Variants in PSG7 observed in about 807,000 individuals in gnomAD.
PSG7 encodes the protein pregnancy specific beta-1-glycoprotein 7, also known as pregnancy-specific beta-1-glycoprotein 7.
A neutral mutation model predicts 45.6 loss-of-function variants in PSG7; 57 were observed. The observed-to-expected ratio is 1.25, with a 90% CI of 1.01 to 1.56. The LOEUF (loss-of-function observed/expected upper bound fraction) is 1.56. Among genes scored for constraint, PSG7 ranks in the 40% most tolerant of loss-of-function variants. PSG7 has a pLI of 0.00. For synonymous variants in PSG7, 298 were observed against 194.4 expected (o/e 1.53, Z -4.43); for missense variants, 796 against 508.4 (o/e 1.57, Z -5.44).
At chr19:42,931,102 C>T (rs962172830) in intron 2 of PSG7, among the ~76,000 whole-genome samples, 10 of 151,486 alleles carry the variant, frequency 6.6e-5, no homozygotes, top group African/African-American at 2.2e-4. Context: ...ATTCGTAATA[C>T]TGTAATTTTC....
rs144458417 is a variant in PSG7, at chr19:42,926,620, T to C, written c.806A>G (p.Tyr269Cys). Reference protein sequence around the residue: ...TFTCEPKSENYTYIWWLNGQS... With the variant: ...TFTCEPKSENCTYIWWLNGQS... ...ACCATTTAGCCACCAAATGTAGGTGTAGTTCTCACTCTTAGGTTCACAGGT... is the reference window on the plus strand; with the variant it reads ...ACCATTTAGCCACCAAATGTAGGTGCAGTTCTCACTCTTAGGTTCACAGGT... Residue 269 changes from tyrosine to cysteine, a missense_variant, in exon 4 of 6, where the codon TAC becomes TGC. Transcript: ENST00000406070. 4,897 of 1,610,260 alleles carry C rather than the reference T, an allele frequency of 3.0e-3. 259 individuals carry two copies. The African/African-American group carries it at 0.058, about 19-fold the overall frequency.
At chr19:42,928,777 G>T (rs1277827910) in intron 3 of PSG7, among the ~76,000 whole-genome samples, 1 of 151,418 alleles carries the variant, frequency 6.6e-6, no homozygotes, top group Non-Finnish European at 1.5e-5. Flanking sequence ...ATGCTCCAGG[G>T]ATCCACTTAC....
In PSG7 at chr19:42,929,283, G is replaced by A. The variant is rs149837758; in HGVS notation, c.709+159C>T. On this transcript the variant is annotated intron_variant, in intron 3 of 5. Transcript: ENST00000406070. ...TTCTCTTATTGTGGATCAAGCCTAG[G>A]CCTACTCTGGTTTGCCTGGGGCAGG... 744 of 1,504,458 alleles carry A rather than the reference G, an allele frequency of 4.9e-4. 21 individuals carry two copies. In the African/African-American group the frequency reaches 8.5e-3, roughly 17 times the overall value. 93.2% of individuals were successfully genotyped at this position (1,504,458 alleles called of 1,614,324 possible). A position where few individuals can be genotyped will look rare whatever the true frequency, so the allele number is the denominator to read the frequency against.
chr19:42,929,061 T>A (rs538017716), intron 3 of PSG7: 4 of 295,706 alleles, frequency 1.4e-5, no homozygotes, highest in African/African-American at 2.1e-5. Context: ...AAGAGAATAA[T>A]GTCACAGGTG....
chr19:42,933,234 T>G (rs1856352509), intron 2 of PSG7, among the ~76,000 whole-genome samples: 1 of 121,054 alleles, frequency 8.3e-6, no homozygotes, highest in Non-Finnish European at 1.7e-5. Flanking sequence ...TTGGAGTCAT[T>G]AAAATCATTC....
chr19:42,935,779 G>A lies in PSG7; in HGVS notation c.65-10C>T, dbSNP rs782798532. ...AAGTTTAAAAGTGATGCTAGGAGGT[G>A]GAGAGAGCATCAGTCAATATTGAGA... On this transcript the variant is annotated splice_polypyrimidine_tract_variant and intron_variant, in intron 1 of 5. Coordinates refer to ENST00000406070, the MANE Select transcript of PSG7 (RefSeq NM_002783.3). 3 of 1,604,456 alleles carry A rather than the reference G, an allele frequency of 1.9e-6. No homozygotes were observed. Among genetic ancestry groups the A allele is most frequent in the Non-Finnish European group, 2.6e-6 (3 of 1,175,508 alleles).
At chr19:42,932,232 C>A (rs1275800107) in intron 2 of PSG7, among the ~76,000 whole-genome samples, 1 of 151,338 alleles carries the variant, frequency 6.6e-6, no homozygotes, top group African/African-American at 2.4e-5. Context: ...ACCATGTTAG[C>A]CAGGATGGTC....
intron 2 of PSG7, among the ~76,000 whole-genome samples, chr19:42,930,824 G>T (rs1244243992): frequency 6.6e-6 from 1 of 151,536 alleles, no homozygotes; most frequent in Non-Finnish European, 1.5e-5. Flanking sequence ...GGATGAGGGG[G>T]TTCTAGAGAT....
chr19:42,933,784 G>A (rs1392375524), intron 2 of PSG7, among the ~76,000 whole-genome samples: 1 of 151,068 alleles, frequency 6.6e-6, no homozygotes, highest in Non-Finnish European at 1.5e-5. Context: ...GTGACCCCAG[G>A]GACAAGGTGC....
intron 1 of PSG7, among the ~76,000 whole-genome samples, chr19:42,936,692 G>A (rs779976653): frequency 6.0e-5 from 9 of 151,048 alleles, no homozygotes; most frequent in Non-Finnish European, 5.9e-5. Context: ...CTGTCACCCA[G>A]GCTGGCATGC....
In PSG7 at chr19:42,937,199, A is replaced by T. The variant is rs1973172015; in HGVS notation, c.-123T>A. Reference sequence around the variant, plus strand: ...GCACTGAGCCTCTTCCCGGGGCAGGAGCACTTCTCAAGCTCATGGGTGGGG... The same window carrying T: ...GCACTGAGCCTCTTCCCGGGGCAGGTGCACTTCTCAAGCTCATGGGTGGGG... On this transcript the variant is annotated 5_prime_UTR_variant, in exon 1 of 6. Transcript: ENST00000406070. 7.1e-6 allele frequency: 10 copies of T among 1,407,688 alleles called. No homozygotes were observed. In the East Asian group the frequency reaches 2.4e-4, roughly 34 times the overall value. 87.2% of individuals were successfully genotyped at this position (1,407,688 alleles called of 1,614,324 possible).
At chr19:42,931,800 G>C (rs577711702) in intron 2 of PSG7, among the ~76,000 whole-genome samples, 9 of 151,616 alleles carry the variant, frequency 5.9e-5, no homozygotes, top group Non-Finnish European at 1.0e-4. Context: ...GTATGTTACA[G>C]CCTTTGTAGT....
Position 42,928,747 on chromosome 19 carries a change from C to T in PSG7, c.709+695G>A, listed in dbSNP as rs532898286. The stretch of plus-strand genomic sequence containing the variant: ...TCTTCCCTGATAGCCAGATAGACTT[C>T]CCTGGAAAACATATTGCCAATGCTC... On this transcript the variant is annotated intron_variant, in intron 3 of 5. Coordinates refer to ENST00000406070, the MANE Select transcript of PSG7 (RefSeq NM_002783.3). Among the ~76,000 whole-genome samples the T allele has an allele frequency of 1.4e-4, 21 of 151,436 alleles. 1 individual carries two copies. In the South Asian group the frequency reaches 4.4e-3, roughly 32 times the overall value.
intron 3 of PSG7, 106 bp from the exon 4 acceptor site, chr19:42,926,822 C>A: frequency 1.3e-6 from 2 of 1,526,826 alleles, no homozygotes; most frequent in African/African-American, 1.4e-5. Flanking sequence ...ACGTGTGAGT[C>A]CTTGAAAGCC....
At chr19:42,933,305 A>ATTTTTTT (rs1294208407) in intron 2 of PSG7, among the ~76,000 whole-genome samples, 16 of 13,730 alleles carry the variant, frequency 1.2e-3, no homozygotes, top group East Asian at 5.1e-3. Flanking sequence ...ATATATATAT[A>ATTTTTTT]TATTTTTTTT....
chr19:42,935,258 T>C, intron 2 of PSG7, 146 bp downstream of exon 2: 2 of 1,434,546 alleles, frequency 1.4e-6, no homozygotes, highest in Admixed American at 1.7e-5. Context: ...CTCCTCTGTG[T>C]GTTTCCTGCA....
intron 2 of PSG7, 51 bp downstream of exon 2, chr19:42,935,353 T>C (rs1184854655): frequency 3.7e-6 from 6 of 1,605,140 alleles, no homozygotes; most frequent in Middle Eastern, 1.7e-4. Context: ...GTGTGTGAAG[T>C]AGAAATGACC....
At chr19:42,934,431 C>T (rs1226854608) in intron 2 of PSG7, among the ~76,000 whole-genome samples, 1 of 151,510 alleles carries the variant, frequency 6.6e-6, no homozygotes, top group African/African-American at 2.4e-5. Context: ...TCATGTGACC[C>T]TGATCTCCCC....
chr19:42,931,421 G>A lies in PSG7; in HGVS notation c.431-1701C>T, dbSNP rs569199103. Among the ~76,000 whole-genome samples the A allele has an allele frequency of 2.3e-4, 35 of 151,648 alleles. No homozygotes were observed. The South Asian group carries it at 6.5e-3, about 28-fold the overall frequency. On this transcript the variant is annotated intron_variant, in intron 2 of 5. Coordinates refer to ENST00000406070, the MANE Select transcript of PSG7 (RefSeq NM_002783.3). The stretch of plus-strand genomic sequence containing the variant: ...CTGGTCAGTGCATCAATTACATAAA[G>A]AGAGGAAGGATGCCAAATTAAAAGA...
Sources: allele counts gnomAD v4.1 joint callset (sites outside exome capture counted in the v4.1 genomes callset), GRCh38; gene constraint gnomAD v4.1.1; transcripts MANE v1.5; gene names NCBI Gene and HGNC (gene_info 2026-07-23, HGNC 2026-07-21).